The following CCDC60 variants were observed in gnomAD, a reference collection of about 807,000 sequenced individuals.
CCDC60 encodes coiled-coil domain containing 60, also known as coiled-coil domain-containing protein 60.
In CCDC60, 54 loss-of-function variants were observed where a neutral mutation model predicts 63.5. The ratio of observed to expected loss-of-function variants is 0.85; its 90% CI spans 0.68 to 1.07. The LOEUF (loss-of-function observed/expected upper bound fraction) is 1.07, where lower values mean the gene tolerates loss of function less well. Ranked by LOEUF, CCDC60 falls within the 50% of genes least tolerant of loss-of-function variation. The pLI is 0.00. For synonymous variants in CCDC60, 206 were observed against 238.8 expected, an observed-to-expected ratio of 0.86 and a Z score of 1.27; for missense variants, 651 against 684.3, an observed-to-expected ratio of 0.95 and a Z score of 0.54.
At chr12:119,389,980 A>C (rs1361976036) in intron 1 of CCDC60, among the ~76,000 whole-genome samples, 3 of 152,196 alleles carry the variant, frequency 2.0e-5, no homozygotes, top group Admixed American at 1.3e-4. Context: ...AAAGAAGTAG[A>C]CTTTCTCCAG....
chr12:119,409,278 A>C (rs1956550493), intron 1 of CCDC60, among the ~76,000 whole-genome samples: 1 of 152,034 alleles, frequency 6.6e-6, no homozygotes, highest in South Asian at 2.1e-4. Flanking sequence ...CAACCTCAGC[A>C]CTCTTGAAAG....
chr12:119,523,854 A>G (rs778652326), intron 11 of CCDC60, 36 bp downstream of exon 11: 112 of 1,607,324 alleles, frequency 7.0e-5, no homozygotes, highest in Non-Finnish European at 9.4e-5. Flanking sequence ...TTCAAACAGC[A>G]TTCACTGGGT....
At chr12:119,404,145 C>T (rs908322847) in intron 1 of CCDC60, among the ~76,000 whole-genome samples, 3 of 152,132 alleles carry the variant, frequency 2.0e-5, no homozygotes, top group Non-Finnish European at 4.4e-5. Context: ...AAAAAGTTAG[C>T]TGGGCATGGT....
intron 1 of CCDC60, among the ~76,000 whole-genome samples, chr12:119,416,838 C>T (rs528743361): frequency 2.6e-5 from 4 of 152,046 alleles, no homozygotes; most frequent in East Asian, 3.9e-4. Flanking sequence ...AAGAGATTCC[C>T]GGCCGGTCGA....
At position 119,486,381 on chromosome 12, in the gene CCDC60, A is replaced by T. The variant is rs192863162; in HGVS notation, c.450-2378A>T. On this transcript the variant is annotated intron_variant, in intron 4 of 13. Transcript: ENST00000327554. ...GGAAGTCCCCATCTCTACAAAAAAAAATAAAAATTAGCTGGGCATGGTGAT... is the reference window on the plus strand; with the variant it reads ...GGAAGTCCCCATCTCTACAAAAAAATATAAAAATTAGCTGGGCATGGTGAT... 9.9e-5 allele frequency among the ~76,000 whole-genome samples: 15 copies of T among 152,254 alleles called. No individual in the cohort carries two copies. In the East Asian group the frequency reaches 2.5e-3, roughly 26 times the overall value.
At position 119,418,869 on chromosome 12, in the gene CCDC60, C is replaced by T. The variant is rs1351630051; in HGVS notation, c.91-9814C>T. 3.9e-5 allele frequency among the ~76,000 whole-genome samples: 6 copies of T among 152,216 alleles called. No homozygotes were observed. In the East Asian group the frequency reaches 9.6e-4, roughly 24 times the overall value. ...GAGAAACAGATCTTCTGCCTTCTTC[C>T]TCTTTTATGACATTGTTAGAATACA... On this transcript the variant is annotated intron_variant, in intron 1 of 13. Transcript: ENST00000327554.
At chr12:119,448,277 G>A (rs1278839186) in intron 2 of CCDC60, among the ~76,000 whole-genome samples, 1 of 152,142 alleles carries the variant, frequency 6.6e-6, no homozygotes, top group Non-Finnish European at 1.5e-5. Flanking sequence ...TCGTCAAGTG[G>A]TATATCTTAA....
At chr12:119,479,995 TACACACACACACACACACAC>T (rs56080581) in intron 4 of CCDC60, among the ~76,000 whole-genome samples, 1,910 of 122,074 alleles carry the variant, frequency 0.016, 40 homozygotes, top group African/African-American at 0.054. Context: ...CCGTACATCA[TACACACACACACACACACAC>T]ACACACACAC....
chr12:119,538,793 CT>C (rs2136563904), intron 13 of CCDC60, among the ~76,000 whole-genome samples: 1 of 152,264 alleles, frequency 6.6e-6, no homozygotes, highest in African/African-American at 2.4e-5. Flanking sequence ...AATTTTCAGC[CT>C]TTTTGTGCTG....
chr12:119,370,263 A>G (rs1029063716), intron 1 of CCDC60, among the ~76,000 whole-genome samples: 1 of 152,218 alleles, frequency 6.6e-6, no homozygotes, highest in South Asian at 2.1e-4. Context: ...ATCATGCACT[A>G]TTGTTAAGTT....
chr12:119,444,193 C>T (rs1355369248), intron 2 of CCDC60, among the ~76,000 whole-genome samples: 1 of 152,198 alleles, frequency 6.6e-6, no homozygotes, highest in Non-Finnish European at 1.5e-5. Context: ...CAGCTAGATA[C>T]TTTTCAGACA....
chr12:119,477,601 C>A (rs1951202958), intron 3 of CCDC60, among the ~76,000 whole-genome samples: 1 of 152,148 alleles, frequency 6.6e-6, no homozygotes, highest in African/African-American at 2.4e-5. Context: ...AATCAGGGAA[C>A]CTGTCAATGA....
chr12:119,381,427 T>C (rs925081198), intron 1 of CCDC60, among the ~76,000 whole-genome samples: 1 of 152,238 alleles, frequency 6.6e-6, no homozygotes, highest in Non-Finnish European at 1.5e-5. Context: ...ACAAGAGGAA[T>C]TGGAGTCTGT....
At chr12:119,532,656 T>A (rs1952886009) in intron 13 of CCDC60, among the ~76,000 whole-genome samples, 1 of 151,966 alleles carries the variant, frequency 6.6e-6, no homozygotes. Flanking sequence ...CACTTATGAG[T>A]GAGAACATGT....
At chr12:119,373,824 T>G (rs994467363) in intron 1 of CCDC60, among the ~76,000 whole-genome samples, 63 of 152,160 alleles carry the variant, frequency 4.1e-4, no homozygotes, top group African/African-American at 1.5e-3. Context: ...AGACCAAACA[T>G]GTGGATGATT....
At chr12:119,338,589 G>A (rs1422232626) in intron 1 of CCDC60, among the ~76,000 whole-genome samples, 1 of 152,136 alleles carries the variant, frequency 6.6e-6, no homozygotes, top group African/African-American at 2.4e-5. Flanking sequence ...CACCATTCTA[G>A]TCAAGCTGTG....
intron 5 of CCDC60, among the ~76,000 whole-genome samples, chr12:119,493,546 C>T (rs1951643391): frequency 6.6e-6 from 1 of 150,884 alleles, no homozygotes; most frequent in African/African-American, 2.4e-5. Flanking sequence ...AAAAAAAAAA[C>T]TCCTCAACTT....
At chr12:119,520,991 T>G (rs1226248681) in intron 9 of CCDC60, among the ~76,000 whole-genome samples, 2 of 152,216 alleles carry the variant, frequency 1.3e-5, no homozygotes, top group Non-Finnish European at 2.9e-5. Context: ...CATAGACTCC[T>G]TGGTAGTCTG....
chr12:119,536,986 G>A (rs1180982889), intron 13 of CCDC60, among the ~76,000 whole-genome samples: 1 of 152,130 alleles, frequency 6.6e-6, no homozygotes. Flanking sequence ...AGTTCTCCTG[G>A]ATAATATCCT....
Sources: gnomAD v4.1 joint callset for allele counts (sites outside exome capture counted in the v4.1 genomes callset) on GRCh38, gnomAD v4.1.1 for gene constraint, MANE v1.5 for transcripts, NCBI Gene and HGNC (gene_info 2026-07-23, HGNC 2026-07-21) for gene names.